ZMIZ1: variants seen among roughly 807,000 people sequenced by gnomAD.
ZMIZ1 encodes zinc finger MIZ-type containing 1, also known as zinc finger MIZ domain-containing protein 1.
In ZMIZ1, 17 loss-of-function variants were observed where a neutral mutation model predicts 113.9. The ratio of observed to expected loss-of-function variants is 0.15; its 90% CI spans 0.10 to 0.22. The LOEUF (loss-of-function observed/expected upper bound fraction) is 0.22, where lower values mean the gene tolerates loss of function less well. Among genes scored for constraint, ZMIZ1 ranks in the 10% least tolerant of loss-of-function variants. The pLI is 1.00. For missense variants in ZMIZ1, 1,059 were observed against 1,477.8 expected, an observed-to-expected ratio of 0.72 and a Z score of 4.65; for synonymous variants, 607 against 603.1, an observed-to-expected ratio of 1.01 and a Z score of -0.09.
intron 8 of ZMIZ1, among the ~76,000 whole-genome samples, chr10:79,286,200 C>A (rs981175702): frequency 6.6e-6 from 1 of 152,250 alleles, no homozygotes; most frequent in African/African-American, 2.4e-5. Flanking sequence ...AGAAGAAGGG[C>A]TCTCAGGCAC....
At chr10:79,212,146 C>CTT (rs559880923) in intron 6 of ZMIZ1, among the ~76,000 whole-genome samples, 1 of 146,962 alleles carries the variant, frequency 6.8e-6, no homozygotes, top group Non-Finnish European at 1.5e-5. Context: ...CCGTCTTCTT[C>CTT]TTTTTTTTTT....
At chr10:79,159,648 T>C (rs1263992840) in intron 3 of ZMIZ1, among the ~76,000 whole-genome samples, 1 of 152,108 alleles carries the variant, frequency 6.6e-6, no homozygotes, top group African/African-American at 2.4e-5. Flanking sequence ...TTTCACTGAG[T>C]GCTAAAGGAA....
chr10:79,274,546 G>A (rs1484960070), intron 7 of ZMIZ1, among the ~76,000 whole-genome samples: 1 of 152,218 alleles, frequency 6.6e-6, no homozygotes, highest in Non-Finnish European at 1.5e-5. Flanking sequence ...ATTAACCCAC[G>A]TTTGCCTCAG....
At chr10:79,305,282 C>T (rs779435549) in intron 20 of ZMIZ1, 51 bp downstream of exon 20, 29 of 1,594,774 alleles carry the variant, frequency 1.8e-5, no homozygotes, top group South Asian at 4.4e-5. Context: ...CAACCACAGA[C>T]GGGAGGGGCC....
chr10:79,307,628 G>A (rs780816262), intron 23 of ZMIZ1, 57 bp downstream of exon 23: 51 of 1,568,070 alleles, frequency 3.3e-5, no homozygotes, highest in Non-Finnish European at 4.2e-5. Flanking sequence ...TGATGCCTTG[G>A]GATCTGGATA....
At chr10:79,091,493 G>T (rs1842981782) in intron 1 of ZMIZ1, among the ~76,000 whole-genome samples, 1 of 152,178 alleles carries the variant, frequency 6.6e-6, no homozygotes, top group Non-Finnish European at 1.5e-5. Context: ...CAGCAGAATA[G>T]CTGCAAGGAG....
At position 79,306,103 on chromosome 10, in the gene ZMIZ1, C is replaced by G; in HGVS notation, c.2427C>G (p.Ser809=). Residue 809 remains serine (S), a synonymous_variant, in exon 22 of 25, where the codon TCC becomes TCG. Coordinates refer to ENST00000334512, the MANE Select transcript of ZMIZ1 (RefSeq NM_020338.4). ...MWGILNAIQH[S]EFEEVTIDPT... is the part of the protein sequence containing the mutation. ...TCTGCCACCCTTCCTCCCCCAGCTC[C>G]GAGTTTGAAGAGGTCACCATCGATC... 6.2e-7 allele frequency: 1 copy of G among 1,610,502 alleles called. No individual in the cohort carries two copies. The highest frequency in any genetic ancestry group is 8.5e-7 in the Non-Finnish European group (1 of 1,177,946).
chr10:79,114,447 C>A (rs1843902754), intron 1 of ZMIZ1, among the ~76,000 whole-genome samples: 1 of 148,360 alleles, frequency 6.7e-6, no homozygotes, highest in Non-Finnish European at 1.5e-5. Context: ...GCCACAGCAT[C>A]TTGGCCTGGG....
intron 7 of ZMIZ1, among the ~76,000 whole-genome samples, chr10:79,265,173 C>T (rs1010409515): frequency 1.3e-5 from 2 of 152,232 alleles, no homozygotes; most frequent in Admixed American, 6.5e-5. Flanking sequence ...GGAGAGGGGG[C>T]GGGCGTGCGA....
chr10:79,075,116 C>T (rs1201593310), intron 1 of ZMIZ1, among the ~76,000 whole-genome samples: 2 of 152,090 alleles, frequency 1.3e-5, no homozygotes, highest in African/African-American at 4.8e-5. Flanking sequence ...AGCTCCACCC[C>T]TAGACAGCCA....
At chr10:79,225,045 G>T (rs891156062) in intron 7 of ZMIZ1, among the ~76,000 whole-genome samples, 1 of 152,172 alleles carries the variant, frequency 6.6e-6, no homozygotes, top group African/African-American at 2.4e-5. Flanking sequence ...CCATTATTGG[G>T]CAAGGTCAGC....
intron 4 of ZMIZ1, among the ~76,000 whole-genome samples, chr10:79,166,614 G>A (rs1846359009): frequency 6.6e-6 from 1 of 152,270 alleles, no homozygotes; most frequent in Admixed American, 6.5e-5. Flanking sequence ...CCACTAACAA[G>A]GGGTGGTTGG....
intron 17 of ZMIZ1, 113 bp downstream of exon 17, chr10:79,301,055 C>A: frequency 2.1e-6 from 3 of 1,434,052 alleles, no homozygotes; most frequent in Non-Finnish European, 2.8e-6. Flanking sequence ...TGCGTCACCA[C>A]CCCCGTGCCC....
intron 4 of ZMIZ1, among the ~76,000 whole-genome samples, chr10:79,179,296 T>G (rs1373224691): frequency 6.6e-6 from 1 of 152,242 alleles, no homozygotes. Flanking sequence ...ACAGGGGCTC[T>G]GTCTGGGTTC....
chr10:79,236,877 A>C (rs565180896), intron 7 of ZMIZ1, among the ~76,000 whole-genome samples: 1 of 152,390 alleles, frequency 6.6e-6, no homozygotes, highest in African/African-American at 2.4e-5. Flanking sequence ...TCCAAAACAG[A>C]CTAAAGTCCC....
intron 2 of ZMIZ1, among the ~76,000 whole-genome samples, chr10:79,132,980 G>C (rs1462389430): frequency 6.6e-6 from 1 of 152,016 alleles, no homozygotes; most frequent in Non-Finnish European, 1.5e-5. Context: ...TGGCCCCCTC[G>C]CAGGCTCTGG....
intron 7 of ZMIZ1, among the ~76,000 whole-genome samples, chr10:79,216,817 G>A (rs1309077653): frequency 2.0e-5 from 3 of 152,228 alleles, no homozygotes; most frequent in Non-Finnish European, 4.4e-5. Context: ...AAATGAATCA[G>A]TACACTCAGG....
intron 7 of ZMIZ1, 107 bp downstream of exon 7, chr10:79,216,381 T>C: frequency 2.0e-6 from 2 of 992,840 alleles, no homozygotes; most frequent in Non-Finnish European, 2.9e-6. Context: ...TCCATTTGTC[T>C]AGGTGTAGTG....
rs139007441 is a variant in ZMIZ1 at position 79,310,938 on chromosome 10, C to T, written c.2850C>T (p.Gly950=). 174 of 1,613,242 alleles carry T rather than the reference C, an allele frequency of 1.1e-4. 1 individual carries two copies. The African/African-American group carries it at 2.0e-3, about 19-fold the overall frequency. ...CTCCTCCACAGATGCCACACGCTGGCAGCTCTGACCAGCCCCACCCCTCCA... is the reference window on the plus strand; with the variant it reads ...CTCCTCCACAGATGCCACACGCTGGTAGCTCTGACCAGCCCCACCCCTCCA... ...HPMQETMPHA[G]SSDQPHPSIQ... is the part of the protein sequence containing the mutation. Residue 950 remains glycine, a synonymous_variant, in exon 24 of 25, where the codon GGC becomes GGT. Coordinates refer to ENST00000334512, the MANE Select transcript of ZMIZ1 (RefSeq NM_020338.4).
Sources: allele counts gnomAD v4.1 joint callset (sites outside exome capture counted in the v4.1 genomes callset), GRCh38; gene constraint gnomAD v4.1.1; transcripts MANE v1.5; gene names NCBI Gene and HGNC (gene_info 2026-07-23, HGNC 2026-07-21).